Variants in NDST4 observed in about 807,000 individuals in gnomAD.
NDST4 encodes the protein N-deacetylase and N-sulfotransferase 4, also known as N-heparan sulfate sulfotransferase 4.
A neutral mutation model predicts 100.8 loss-of-function variants in NDST4; 63 were observed. The ratio of observed to expected loss-of-function variants is 0.62; its 90% CI spans 0.51 to 0.77. The LOEUF (loss-of-function observed/expected upper bound fraction) is 0.77, where lower values mean the gene tolerates loss of function less well. Ranked by LOEUF, NDST4 falls within the 30% of genes least tolerant of loss-of-function variation. The pLI is 0.00. For missense variants in NDST4, 943 were observed against 1,018.4 expected (o/e 0.93, Z 1.01); for synonymous variants, 377 against 361.8 (o/e 1.04, Z -0.48).
At chr4:114,834,691 G>A (rs564099343) in intron 11 of NDST4, among the ~76,000 whole-genome samples, 1 of 152,004 alleles carries the variant, frequency 6.6e-6, no homozygotes, top group South Asian at 2.1e-4. Flanking sequence ...GAGTTAGGGA[G>A]GAGTCCCTCT....
intron 4 of NDST4, among the ~76,000 whole-genome samples, chr4:114,948,958 T>C (rs1190725594): frequency 6.6e-6 from 1 of 152,070 alleles, no homozygotes; most frequent in Non-Finnish European, 1.5e-5. Context: ...TTATCCAATT[T>C]AAATAGTCAT....
chr4:115,057,574 G>A (rs1728722449), intron 2 of NDST4, among the ~76,000 whole-genome samples: 1 of 152,050 alleles, frequency 6.6e-6, no homozygotes, highest in Admixed American at 6.6e-5. Flanking sequence ...TATTTCTAAC[G>A]TTTATAACTG....
chr4:114,953,071 CA>C (rs1180612601), intron 4 of NDST4, among the ~76,000 whole-genome samples: 1 of 149,774 alleles, frequency 6.7e-6, no homozygotes, highest in Non-Finnish European at 1.5e-5. Context: ...CCATTTCTCC[CA>C]GAGACCATCA....
intron 2 of NDST4, among the ~76,000 whole-genome samples, chr4:115,060,474 A>C (rs1469565103): frequency 6.6e-6 from 1 of 152,024 alleles, no homozygotes; most frequent in African/African-American, 2.4e-5. Context: ...TGAGAGACTT[A>C]TAATCAAAAT....
chr4:114,920,747 G>A (rs1725270409), intron 6 of NDST4, among the ~76,000 whole-genome samples: 1 of 152,138 alleles, frequency 6.6e-6, no homozygotes, highest in African/African-American at 2.4e-5. Context: ...TCACAGAGAG[G>A]TAATTGAACA....
At chr4:114,976,227 A>G (rs1578425332) in intron 3 of NDST4, among the ~76,000 whole-genome samples, 2 of 152,228 alleles carry the variant, frequency 1.3e-5, no homozygotes, top group Middle Eastern at 6.8e-3. Flanking sequence ...AATAAATTGC[A>G]TACATGGATA....
At position 115,076,441 on chromosome 4, in the gene NDST4, G is replaced by C; in HGVS notation, c.596C>G (p.Ser199Cys). Reference sequence around the variant, plus strand: ...GGCTTTGGTAATATGCAGCAAAGGAGATTGAGGGTTAACAAAACAGTCCTT... The same window carrying C: ...GGCTTTGGTAATATGCAGCAAAGGACATTGAGGGTTAACAAAACAGTCCTT... ...ALKDCFVNPQ[S>C]PLLHITKAPK... The change falls in exon 2 of 14, where the codon TCT becomes TGT. Residue 199 changes from serine (S) to cysteine (C), a missense_variant. Around this residue, in one of 2 missense-constraint regions of NDST4, gnomAD observed 417 missense variants for 384.2 expected, o/e 1.09. Coordinates refer to ENST00000264363, the MANE Select transcript of NDST4 (RefSeq NM_022569.3). 6.2e-7 allele frequency: 1 copy of C among 1,613,994 alleles called. No homozygotes were observed. Among genetic ancestry groups the C allele is most frequent in the Non-Finnish European group, 8.5e-7 (1 of 1,179,976 alleles).
intron 2 of NDST4, among the ~76,000 whole-genome samples, chr4:114,989,421 C>T (rs1726988182): frequency 6.6e-6 from 1 of 152,088 alleles, no homozygotes; most frequent in Non-Finnish European, 1.5e-5. Flanking sequence ...AATATTTAAG[C>T]AGCTAATATA....
intron 4 of NDST4, among the ~76,000 whole-genome samples, chr4:114,968,188 T>A (rs1276512805): frequency 6.6e-6 from 1 of 152,230 alleles, no homozygotes; most frequent in Non-Finnish European, 1.5e-5. Flanking sequence ...GCTTAACAAC[T>A]GGGCATAACT....
intron 2 of NDST4, among the ~76,000 whole-genome samples, chr4:115,052,593 G>T (rs1419762423): frequency 1.3e-5 from 2 of 152,012 alleles, no homozygotes; most frequent in Non-Finnish European, 2.9e-5. Context: ...CCCTACACAA[G>T]CTCTCTTGCC....
At chr4:115,088,081 A>G (rs1279150276) in intron 1 of NDST4, among the ~76,000 whole-genome samples, 1 of 151,858 alleles carries the variant, frequency 6.6e-6, no homozygotes, top group Non-Finnish European at 1.5e-5. Flanking sequence ...TTTTATTTCT[A>G]TTTCCCCAAC....
intron 1 of NDST4, among the ~76,000 whole-genome samples, chr4:115,081,824 T>C (rs1729311887): frequency 6.6e-6 from 1 of 152,170 alleles, no homozygotes; most frequent in African/African-American, 2.4e-5. Flanking sequence ...TCCCCTTATA[T>C]GGTGATGTTG....
At chr4:114,846,201 T>A (rs1723547215) in intron 9 of NDST4, among the ~76,000 whole-genome samples, 1 of 152,164 alleles carries the variant, frequency 6.6e-6, no homozygotes, top group Non-Finnish European at 1.5e-5. Context: ...ATTTTGGGCA[T>A]GGGAAGGAGT....
At chr4:115,019,534 A>T (rs1040738830) in intron 2 of NDST4, among the ~76,000 whole-genome samples, 1 of 152,150 alleles carries the variant, frequency 6.6e-6, no homozygotes, top group African/African-American at 2.4e-5. Context: ...TCTTATTTTA[A>T]ATAGAACTCA....
chr4:114,828,033 A>G (rs1246526284), intron 13 of NDST4, 98 bp from the exon 14 acceptor site: 25 of 1,022,854 alleles, frequency 2.4e-5, no homozygotes, highest in Admixed American at 3.0e-5. Context: ...ACTACAGTAT[A>G]CGTGTCTACA....
intron 2 of NDST4, among the ~76,000 whole-genome samples, chr4:115,067,320 C>T (rs1728970562): frequency 6.6e-6 from 1 of 152,174 alleles, no homozygotes; most frequent in African/African-American, 2.4e-5. Flanking sequence ...ATTCATACCT[C>T]ATTGAGTCTG....
intron 2 of NDST4, among the ~76,000 whole-genome samples, chr4:115,039,450 CTT>C (rs1728302665): frequency 6.8e-6 from 1 of 147,740 alleles, no homozygotes; most frequent in African/African-American, 2.6e-5. Context: ...AAAAAAAAAA[CTT>C]GTTGGTCAAA....
chr4:114,884,590 CATA>C (rs1236829682), intron 6 of NDST4, among the ~76,000 whole-genome samples: 6 of 152,086 alleles, frequency 3.9e-5, no homozygotes, highest in African/African-American at 1.2e-4. Context: ...CCTCAACAGA[CATA>C]ATGTTTATGT....
chr4:114,888,472 A>T (rs1724525222), intron 6 of NDST4, among the ~76,000 whole-genome samples: 1 of 152,050 alleles, frequency 6.6e-6, no homozygotes, highest in African/African-American at 2.4e-5. Flanking sequence ...ATTCGCTAGC[A>T]CTCCCAAAGT....
Sources: allele counts gnomAD v4.1 joint callset (sites outside exome capture counted in the v4.1 genomes callset), GRCh38; gene constraint gnomAD v4.1.1; regional missense constraint gnomAD v4.1.1; transcripts MANE v1.5; gene names NCBI Gene and HGNC (gene_info 2026-07-23, HGNC 2026-07-21).